RPH3A: variants seen among roughly 807,000 people sequenced by gnomAD.
RPH3A encodes the protein rabphilin-3A.
In RPH3A, 48 loss-of-function variants were observed where a neutral mutation model predicts 102.2. The ratio of observed to expected loss-of-function variants is 0.47; its 90% confidence interval spans 0.37 to 0.60. RPH3A has a LOEUF of 0.60. Ranked by LOEUF, RPH3A falls within the 20% of genes least tolerant of loss-of-function variation. The probability of loss-of-function intolerance (pLI) is 0.00; values close to 1 mark genes in which losing one functional copy is unlikely to be tolerated. For missense variants in RPH3A, 781 were observed against 910.1 expected (o/e 0.86, Z 1.83); for synonymous variants, 310 against 324.3 (o/e 0.96, Z 0.47).
intron 19 of RPH3A, 121 bp downstream of exon 19, chr12:112,891,124 T>C: frequency 8.8e-7 from 1 of 1,139,632 alleles, no homozygotes; most frequent in Non-Finnish European, 1.2e-6. Context: ...GCAAGGAACC[T>C]GCCCAAGGTC....
intron 5 of RPH3A, among the ~76,000 whole-genome samples, chr12:112,848,451 C>T (rs1479720454): frequency 1.3e-5 from 2 of 152,130 alleles, no homozygotes; most frequent in African/African-American, 2.4e-5. Context: ...ACCCGGGGTC[C>T]CATGCCAGCT....
At chr12:112,590,660 A>G (rs887438783) in intron 1 of RPH3A, among the ~76,000 whole-genome samples, 4 of 152,200 alleles carry the variant, frequency 2.6e-5, no homozygotes, top group Non-Finnish European at 5.9e-5. Context: ...TATTTTGTTC[A>G]ACCTAAAGTG....
intron 1 of RPH3A, among the ~76,000 whole-genome samples, chr12:112,647,607 G>A (rs2522996): frequency 1.5e-5 from 1 of 68,696 alleles, no homozygotes; most frequent in Admixed American, 1.6e-4. Context: ...GTGTGTGTAT[G>A]TGTGTGTGTG....
In RPH3A at chr12:112,827,689, T is replaced by A. The variant is rs570648492; in HGVS notation, c.-18-612T>A. Among the ~76,000 whole-genome samples, 289 of 151,752 alleles carry A rather than the reference T, an allele frequency of 1.9e-3. 3 individuals are homozygous for A. The highest frequency in any genetic ancestry group is 5.6e-3 in the Admixed American group (85 of 15,212). Reference sequence around the variant, plus strand: ...AGCTTGGATGTAGAGTATTTTTTTTTAAAAAAGGCAGGGACACATGGACAC... The same window carrying A: ...AGCTTGGATGTAGAGTATTTTTTTTAAAAAAAGGCAGGGACACATGGACAC... On this transcript the variant is annotated intron_variant, in intron 2 of 21. Coordinates refer to ENST00000389385, the MANE Select transcript of RPH3A (RefSeq NM_001143854.2).
chr12:112,760,985 T>C (rs568364735), intron 1 of RPH3A, among the ~76,000 whole-genome samples: 169 of 152,158 alleles, frequency 1.1e-3, no homozygotes, highest in South Asian at 5.4e-3. Flanking sequence ...ATCCTTGAGG[T>C]TAAAGTTATT....
chr12:112,587,209 T>C (rs912044133), intron 1 of RPH3A, among the ~76,000 whole-genome samples: 1 of 152,224 alleles, frequency 6.6e-6, no homozygotes, highest in Non-Finnish European at 1.5e-5. Context: ...CCTCATTGAG[T>C]CAACTCTTGG....
At chr12:112,782,936 C>G (rs368372796) in intron 1 of RPH3A, among the ~76,000 whole-genome samples, 3 of 152,220 alleles carry the variant, frequency 2.0e-5, no homozygotes, top group African/African-American at 7.2e-5. Context: ...TCATGGGTCA[C>G]ACAGTAGGTA....
At chr12:112,857,789 T>C (rs968870656) in intron 5 of RPH3A, among the ~76,000 whole-genome samples, 9 of 152,182 alleles carry the variant, frequency 5.9e-5, no homozygotes, top group African/African-American at 2.2e-4. Context: ...CCTCCTGATA[T>C]GCTCTTTCAC....
intron 2 of RPH3A, among the ~76,000 whole-genome samples, chr12:112,821,911 G>A (rs532624897): frequency 1.3e-5 from 2 of 151,946 alleles, no homozygotes; most frequent in Non-Finnish European, 2.9e-5. Context: ...CCCAAGAGAA[G>A]CTGGCAATCT....
chr12:112,655,129 G>A (rs2040001782), intron 1 of RPH3A, among the ~76,000 whole-genome samples: 1 of 152,222 alleles, frequency 6.6e-6, no homozygotes, highest in Admixed American at 6.5e-5. Context: ...CTGCAACATT[G>A]TCTCAGAGCA....
chr12:112,665,000 G>T (rs1044685008), intron 1 of RPH3A, among the ~76,000 whole-genome samples: 4 of 152,126 alleles, frequency 2.6e-5, no homozygotes, highest in African/African-American at 9.7e-5. Flanking sequence ...CCTTCAGAGG[G>T]ACATTGTGAG....
At position 112,800,846 on chromosome 12, in the gene RPH3A, G is replaced by T. The variant is rs148391938; in HGVS notation, c.-19+8583G>T. On this transcript the variant is annotated intron_variant, in intron 2 of 21. Transcript: ENST00000389385. ...CCTTGGCTGTAACCAAGGGCCAATG[G>T]GTTAAGAGACAAGAACCCAGCAGTG... Among the ~76,000 whole-genome samples the T allele has an allele frequency of 8.1e-4, 123 of 152,256 alleles. 1 individual carries two copies. The highest frequency in any genetic ancestry group is 2.8e-3 in the African/African-American group (115 of 41,544).
At chr12:112,862,261 C>T (rs1005799858) in intron 5 of RPH3A, among the ~76,000 whole-genome samples, 4 of 151,848 alleles carry the variant, frequency 2.6e-5, no homozygotes, top group Admixed American at 1.3e-4. Context: ...AAAAGTTAGC[C>T]GGGCATGGTT....
intron 17 of RPH3A, 141 bp from the exon 18 acceptor site, chr12:112,889,883 T>C: frequency 1.4e-6 from 1 of 720,342 alleles, no homozygotes; most frequent in Non-Finnish European, 2.4e-6. Flanking sequence ...AAAGGGAGAA[T>C]GCAGGAGAGC....
At chr12:112,852,853 CTTA>C (rs2042345364) in intron 5 of RPH3A, among the ~76,000 whole-genome samples, 1 of 152,176 alleles carries the variant, frequency 6.6e-6, no homozygotes, top group Non-Finnish European at 1.5e-5. Flanking sequence ...CCTCTTTATC[CTTA>C]TTATATTTCT....
rs2043066872 is a variant in RPH3A, at chr12:112,890,047, G to C, written c.1587G>C (p.Gly529=). 2.5e-6 allele frequency: 4 copies of C among 1,613,750 alleles called. No homozygotes were observed. The highest frequency in any genetic ancestry group is 3.4e-6 in the Non-Finnish European group (4 of 1,180,016). ...AGATGAAACGTGCTGGGACCACCGG[G>C]TCAGCCCGAGGCATGGCCCTTTATG... ...VIPMKRAGTT[G]SARGMALYEE... is the part of the protein sequence containing the mutation. Residue 529 remains glycine, a synonymous_variant, in exon 18 of 22, where the codon GGG becomes GGC. Transcript: ENST00000389385.
intron 2 of RPH3A, among the ~76,000 whole-genome samples, chr12:112,821,659 C>G (rs1475130192): frequency 6.6e-6 from 1 of 152,212 alleles, no homozygotes; most frequent in Non-Finnish European, 1.5e-5. Flanking sequence ...AATCACACTT[C>G]CCCCCAAGTT....
chr12:112,831,118 T>TA (rs2041963366), intron 3 of RPH3A, among the ~76,000 whole-genome samples: 1 of 151,686 alleles, frequency 6.6e-6, no homozygotes, highest in African/African-American at 2.4e-5. Flanking sequence ...TTTTTTTTTT[T>TA]ACATAAAAAC....
intron 5 of RPH3A, 47 bp downstream of exon 5, chr12:112,847,889 G>C: frequency 6.3e-7 from 1 of 1,597,598 alleles, no homozygotes; most frequent in Non-Finnish European, 8.5e-7. Flanking sequence ...TGTGGCAGGA[G>C]GGTGTGCTGG....
Sources: gnomAD v4.1 joint callset for allele counts (sites outside exome capture counted in the v4.1 genomes callset) on GRCh38, gnomAD v4.1.1 for gene constraint, MANE v1.5 for transcripts, NCBI Gene and HGNC (gene_info 2026-07-23, HGNC 2026-07-21) for gene names.